PTK2B: variants seen among roughly 807,000 people sequenced by gnomAD.
The protein encoded by PTK2B is protein tyrosine kinase 2 beta, also known as protein-tyrosine kinase 2-beta.
In PTK2B, 71 loss-of-function variants were observed where a neutral mutation model predicts 142.9. The ratio of observed to expected loss-of-function variants is 0.50; its 90% CI spans 0.41 to 0.61. The LOEUF is 0.61. PTK2B is among the 20% of genes least tolerant of loss of function. The pLI, the probability that PTK2B is intolerant of heterozygous loss-of-function variation, is 0.00. For missense variants in PTK2B, 1,105 were observed against 1,320.4 expected (o/e 0.84, Z 2.53); for synonymous variants, 519 against 503.4 (o/e 1.03, Z -0.42).
intron 2 of PTK2B, among the ~76,000 whole-genome samples, chr8:27,413,660 G>A (rs761173119): frequency 4.8e-4 from 73 of 152,276 alleles, no homozygotes; most frequent in Non-Finnish European, 6.6e-4. Flanking sequence ...CACTAGGGAC[G>A]TAAACCATGA....
chr8:27,343,496 C>A (rs1422034282), intron 1 of PTK2B, among the ~76,000 whole-genome samples: 1 of 152,162 alleles, frequency 6.6e-6, no homozygotes, highest in Non-Finnish European at 1.5e-5. Context: ...CTGGAGTGTT[C>A]CAGATAACTG....
intron 1 of PTK2B, among the ~76,000 whole-genome samples, chr8:27,365,077 T>G (rs1313238590): frequency 6.6e-6 from 1 of 152,236 alleles, no homozygotes; most frequent in Non-Finnish European, 1.5e-5. Context: ...GTCTTCTTGT[T>G]TGCAAACCTA....
intron 1 of PTK2B, among the ~76,000 whole-genome samples, chr8:27,329,335 G>C (rs1803601441): frequency 6.6e-6 from 1 of 152,168 alleles, no homozygotes; most frequent in Non-Finnish European, 1.5e-5. Context: ...GTTTCATCGT[G>C]CAGAGGACCC....
chr8:27,318,816 A>C (rs567509149), intron 3 of PTK2B, among the ~76,000 whole-genome samples: 2 of 152,082 alleles, frequency 1.3e-5, no homozygotes, highest in South Asian at 4.2e-4. Context: ...ACACCCAGCT[A>C]ATTTTTGTAT....
At chr8:27,347,505 T>A (rs991558106) in intron 1 of PTK2B, among the ~76,000 whole-genome samples, 1 of 147,470 alleles carries the variant, frequency 6.8e-6, no homozygotes, top group African/African-American at 2.6e-5. Context: ...AACATCAAGG[T>A]GTCAGCAGGG....
At chr8:27,435,648 T>C (rs1810723428) in intron 13 of PTK2B, 95 bp from the exon 14 acceptor site, 2 of 1,460,428 alleles carry the variant, frequency 1.4e-6, no homozygotes, top group South Asian at 1.1e-5. Context: ...CCCCTTGGGC[T>C]CCACTGGCCT....
intron 1 of PTK2B, among the ~76,000 whole-genome samples, chr8:27,366,952 G>A (rs529485954): frequency 6.6e-6 from 1 of 152,110 alleles, no homozygotes; most frequent in Admixed American, 6.6e-5. Flanking sequence ...GAGTGTGGTG[G>A]CTCGGCTGGC....
chr8:27,451,547 G>A (rs756326360), intron 27 of PTK2B, 38 bp downstream of exon 27: 2 of 1,613,658 alleles, frequency 1.2e-6, no homozygotes, highest in African/African-American at 2.7e-5. Context: ...GTTTCCTCTT[G>A]GCACCTTGTG....
At chr8:27,427,788 G>C (rs1040278397) in intron 5 of PTK2B, among the ~76,000 whole-genome samples, 1 of 152,096 alleles carries the variant, frequency 6.6e-6, no homozygotes, top group African/African-American at 2.4e-5. Flanking sequence ...GGAGGAAGAG[G>C]AGGAGGAGCT....
intron 1 of PTK2B, among the ~76,000 whole-genome samples, chr8:27,388,225 G>A (rs542457552): frequency 2.4e-4 from 36 of 152,292 alleles, no homozygotes; most frequent in Non-Finnish European, 3.5e-4. Context: ...AAATTTCTCC[G>A]CTCAGCAACC....
In PTK2B at chr8:27,351,946, C is replaced by T. The variant is rs184629594; in HGVS notation, c.-38+26265C>T. Among the ~76,000 whole-genome samples the T allele has an allele frequency of 8.5e-5, 13 of 152,248 alleles. No individual in the cohort carries two copies. In the East Asian group the frequency reaches 1.2e-3, roughly 14 times the overall value. ...TAAAAGCAGTTTGAATGCCATCCCC[C>T]GCAGAAGCTCCTGTCTACAGCTTTT... On this transcript the variant is annotated intron_variant, in intron 1 of 30. Transcript: ENST00000346049.
chr8:27,396,619 C>T (rs1421536967), intron 1 of PTK2B, among the ~76,000 whole-genome samples: 1 of 152,188 alleles, frequency 6.6e-6, no homozygotes, highest in Non-Finnish European at 1.5e-5. Context: ...GAGCTAAGGC[C>T]GATGCCATCC....
intron 2 of PTK2B, among the ~76,000 whole-genome samples, chr8:27,403,778 C>T (rs1808523818): frequency 6.6e-6 from 1 of 151,988 alleles, no homozygotes; most frequent in Non-Finnish European, 1.5e-5. Flanking sequence ...TGCTCCTCCT[C>T]CTCCTCCTCT....
At chr8:27,379,012 G>A (rs1806850644) in intron 1 of PTK2B, among the ~76,000 whole-genome samples, 1 of 152,164 alleles carries the variant, frequency 6.6e-6, no homozygotes, top group Non-Finnish European at 1.5e-5. Context: ...CTGGATGCCC[G>A]ATTTTTATAG....
In PTK2B at chr8:27,444,208, C is replaced by T; in HGVS notation, c.2151C>T (p.Pro717=). 6.2e-7 allele frequency: 1 copy of T among 1,612,616 alleles called. No individual in the cohort carries two copies. The highest frequency in any genetic ancestry group is 8.5e-7 in the Non-Finnish European group (1 of 1,178,742). The part of the protein sequence containing the change: ...PTAFQEPPPK[P]SRPKYRPPPQ... ...ACCCATCTGTGTTCTCTCTCCAGCC[C>T]AGCCGACCTAAGTACAGACCCCCTC... is the stretch of plus-strand genomic sequence containing the variant. Residue 717 remains proline, a splice_region_variant and synonymous_variant, in exon 23 of 31, where the codon CCC becomes CCT. Transcript: ENST00000346049.
chr8:27,330,415 T>C (rs561371479), intron 1 of PTK2B, among the ~76,000 whole-genome samples: 2 of 152,334 alleles, frequency 1.3e-5, no homozygotes, highest in East Asian at 3.9e-4. Flanking sequence ...GATGTTTGTT[T>C]CTGCCTAATC....
upstream of PTK2B, chr8:27,310,942 C>T: frequency 3.1e-6 from 5 of 1,612,660 alleles, no homozygotes; most frequent in Non-Finnish European, 4.2e-6. Flanking sequence ...GGCAGACACG[C>T]GAGAAGCGGT....
At chr8:27,358,726 C>A (rs1009601944) in intron 1 of PTK2B, among the ~76,000 whole-genome samples, 10 of 152,098 alleles carry the variant, frequency 6.6e-5, no homozygotes, top group East Asian at 3.8e-4. Flanking sequence ...TTTGCCTTTT[C>A]TCACCTCTTG....
At chr8:27,391,303 A>T (rs533393231) in intron 1 of PTK2B, among the ~76,000 whole-genome samples, 2 of 152,086 alleles carry the variant, frequency 1.3e-5, no homozygotes, top group East Asian at 3.9e-4. Context: ...CACCATGTTG[A>T]TCAGGCTGAT....
Sources: gnomAD v4.1 joint callset for allele counts (sites outside exome capture counted in the v4.1 genomes callset) on GRCh38, gnomAD v4.1.1 for gene constraint, MANE v1.5 for transcripts, NCBI Gene and HGNC (gene_info 2026-07-23, HGNC 2026-07-21) for gene names.